RAPGEF5: variants seen among roughly 807,000 people sequenced by gnomAD.
RAPGEF5 encodes Rap guanine nucleotide exchange factor 5.
A neutral mutation model predicts 125.2 loss-of-function variants in RAPGEF5; 65 were observed. The ratio of observed to expected loss-of-function variants is 0.52; its 90% CI spans 0.43 to 0.64. The LOEUF is 0.64. Ranked by LOEUF, RAPGEF5 falls within the 30% of genes least tolerant of loss-of-function variation. The probability of loss-of-function intolerance (pLI) is 0.00; values close to 1 mark genes in which losing one functional copy is unlikely to be tolerated. For missense variants in RAPGEF5, 958 were observed against 1,048.1 expected, an observed-to-expected ratio of 0.91 and a Z score of 1.19; for synonymous variants, 391 against 385.9, an observed-to-expected ratio of 1.01 and a Z score of -0.16.
At chr7:22,300,160 A>T (rs1329503851) in intron 5 of RAPGEF5, among the ~76,000 whole-genome samples, 1 of 152,006 alleles carries the variant, frequency 6.6e-6, no homozygotes, top group East Asian at 1.9e-4. Flanking sequence ...ATCTTCTTCA[A>T]TGTTTTTTTT....
chr7:22,239,631 T>G (rs1025898799), intron 7 of RAPGEF5, among the ~76,000 whole-genome samples: 5 of 146,224 alleles, frequency 3.4e-5, no homozygotes, highest in African/African-American at 1.2e-4. Context: ...CTCTTACATC[T>G]TTTTTTTTTT....
At chr7:22,308,702 C>A (rs755187176) in intron 4 of RAPGEF5, among the ~76,000 whole-genome samples, 195 bp from the exon 5 acceptor site, 3 of 152,150 alleles carry the variant, frequency 2.0e-5, no homozygotes, top group Non-Finnish European at 4.4e-5. Context: ...ATTTTTACTA[C>A]TAGAAGCTCT....
At chr7:22,180,285 A>G (rs1318490351) in intron 11 of RAPGEF5, among the ~76,000 whole-genome samples, 1 of 152,176 alleles carries the variant, frequency 6.6e-6, no homozygotes, top group Non-Finnish European at 1.5e-5. Flanking sequence ...CTCCCTGGGC[A>G]TGTTGCTCCC....
At chr7:22,254,446 T>C (rs1162213466) in intron 7 of RAPGEF5, among the ~76,000 whole-genome samples, 1 of 150,418 alleles carries the variant, frequency 6.6e-6, no homozygotes, top group South Asian at 2.1e-4. Context: ...CCGTCTCTAC[T>C]GAAAAAAAAA....
chr7:22,196,575 T>C (rs1301347864), intron 9 of RAPGEF5, among the ~76,000 whole-genome samples: 1 of 152,168 alleles, frequency 6.6e-6, no homozygotes, highest in Non-Finnish European at 1.5e-5. Context: ...GACAAGTTAA[T>C]AGGCTCCATG....
chr7:22,178,870 T>A (rs1784589703), intron 11 of RAPGEF5, among the ~76,000 whole-genome samples: 1 of 152,140 alleles, frequency 6.6e-6, no homozygotes, highest in African/African-American at 2.4e-5. Flanking sequence ...TCTATCCCTC[T>A]AGTCATGCCT....
In RAPGEF5 at chr7:22,291,243, TAAAA is replaced by T; in HGVS notation, c.681-6_681-3del. The T allele has an allele frequency of 8.6e-6, 12 of 1,400,234 alleles. No homozygotes were observed. Among genetic ancestry groups the T allele is most frequent in the Admixed American group, 5.6e-5 (2 of 35,976 alleles). 86.7% of individuals were successfully genotyped at this position (1,400,234 alleles called of 1,614,324 possible). On this transcript the variant is annotated splice_polypyrimidine_tract_variant and splice_region_variant and intron_variant, in intron 5 of 25. Transcript: ENST00000665637. Reference sequence around the variant, plus strand: ...GAGTCTTCAATTTTCTGATGAGACCTAAAAAAAAAAAAAAGAACAAATTACTTTT... The same window carrying T: ...GAGTCTTCAATTTTCTGATGAGACCTAAAAAAAAAAGAACAAATTACTTTT...
At chr7:22,172,419 C>T (rs1007480177) in intron 11 of RAPGEF5, among the ~76,000 whole-genome samples, 45 of 152,022 alleles carry the variant, frequency 3.0e-4, no homozygotes, top group Admixed American at 2.2e-3. Context: ...CCACCGTGCC[C>T]GGCCTATTTT....
At chr7:22,221,165 C>A (rs367592077) in intron 8 of RAPGEF5, among the ~76,000 whole-genome samples, 2 of 152,310 alleles carry the variant, frequency 1.3e-5, no homozygotes, top group East Asian at 3.9e-4. Flanking sequence ...AATTCCTCCA[C>A]CAAAGTCAGA....
At position 22,322,343 on chromosome 7, in the gene RAPGEF5, C is replaced by T. The variant is rs146363737; in HGVS notation, c.232-4306G>A. Among the ~76,000 whole-genome samples, 800 of 151,664 alleles carry T rather than the reference C, an allele frequency of 5.3e-3. 7 individuals are homozygous for T. Among genetic ancestry groups the T allele is most frequent in the African/African-American group, 0.019 (766 of 41,344 alleles). On this transcript the variant is annotated intron_variant, in intron 1 of 25. Transcript: ENST00000665637. ...TTTTTTTTTTGGAGAGACAGGATTT[C>T]GCCCTATTGCCCAAGCTGGTCTCAA...
At chr7:22,332,527 G>A (rs950452272) in intron 1 of RAPGEF5, among the ~76,000 whole-genome samples, 2 of 152,180 alleles carry the variant, frequency 1.3e-5, no homozygotes, top group African/African-American at 4.8e-5. Context: ...TCTGTGAAAA[G>A]CACTTTCTCC....
chr7:22,355,408 A>G (rs1784403201), intron 1 of RAPGEF5, among the ~76,000 whole-genome samples: 1 of 152,206 alleles, frequency 6.6e-6, no homozygotes, highest in African/African-American at 2.4e-5. Flanking sequence ...ATGAAAAAGT[A>G]ACCGTCAAGG....
At chr7:22,209,607 A>G (rs1425371571) in intron 9 of RAPGEF5, among the ~76,000 whole-genome samples, 1 of 152,218 alleles carries the variant, frequency 6.6e-6, no homozygotes, top group Non-Finnish European at 1.5e-5. Flanking sequence ...TTTAATGAGA[A>G]GAACTGAATG....
At chr7:22,328,968 T>A (rs1298702782) in intron 1 of RAPGEF5, among the ~76,000 whole-genome samples, 1 of 152,226 alleles carries the variant, frequency 6.6e-6, no homozygotes, top group Non-Finnish European at 1.5e-5. Context: ...CTTTTTTCAC[T>A]ATACAGGGGG....
At chr7:22,272,009 G>C (rs1782438665) in intron 6 of RAPGEF5, among the ~76,000 whole-genome samples, 1 of 152,118 alleles carries the variant, frequency 6.6e-6, no homozygotes, top group African/African-American at 2.4e-5. Flanking sequence ...TGCTGGAAGA[G>C]GAGGCCCTTG....
At chr7:22,295,395 T>C (rs533377115) in intron 5 of RAPGEF5, among the ~76,000 whole-genome samples, 6 of 152,296 alleles carry the variant, frequency 3.9e-5, no homozygotes, top group Admixed American at 3.9e-4. Context: ...CACATTTGAT[T>C]TTGAGGATTT....
chr7:22,291,148 C>T (rs763325777), intron 6 of RAPGEF5, 27 bp downstream of exon 6: 1 of 1,561,842 alleles, frequency 6.4e-7, no homozygotes, highest in Non-Finnish European at 8.6e-7. Flanking sequence ...TTCTGCACCC[C>T]TAGGCAGGAA....
chr7:22,256,902 C>T (rs1364359983), intron 7 of RAPGEF5, among the ~76,000 whole-genome samples: 1 of 152,198 alleles, frequency 6.6e-6, no homozygotes, highest in Admixed American at 6.5e-5. Context: ...CACTAAGGTT[C>T]GCTCTTAGGG....
chr7:22,322,590 A>G (rs1783737615), intron 1 of RAPGEF5, among the ~76,000 whole-genome samples: 1 of 152,196 alleles, frequency 6.6e-6, no homozygotes, highest in African/African-American at 2.4e-5. Context: ...AGCTGCAGTT[A>G]TTGTCCCATA....
Sources: allele counts gnomAD v4.1 joint callset (sites outside exome capture counted in the v4.1 genomes callset), GRCh38; gene constraint gnomAD v4.1.1; transcripts MANE v1.5; gene names NCBI Gene and HGNC (gene_info 2026-07-23, HGNC 2026-07-21).